TBC1D22A: variants seen among roughly 807,000 people sequenced by gnomAD.
The protein encoded by TBC1D22A is putative GTPase activator.
Under a neutral mutation model 60.2 loss-of-function variants are expected in TBC1D22A, and 38 were observed. That is an observed-to-expected ratio of 0.63 (90% CI 0.49 to 0.83). TBC1D22A has a LOEUF of 0.83. Ranked by LOEUF, TBC1D22A falls within the 40% of genes least tolerant of loss-of-function variation. The probability of loss-of-function intolerance (pLI) is 0.00; values close to 1 mark genes in which losing one functional copy is unlikely to be tolerated. For synonymous variants in TBC1D22A, 302 were observed against 281.7 expected, an observed-to-expected ratio of 1.07 and a Z score of -0.72; for missense variants, 628 against 701.0, an observed-to-expected ratio of 0.90 and a Z score of 1.18.
Position 46,793,764 on chromosome 22 carries a change from C to G in TBC1D22A, c.383C>G (p.Ala128Gly). 1 of 1,604,240 alleles carries G rather than the reference C, an allele frequency of 6.2e-7. No homozygotes were observed. The highest frequency in any genetic ancestry group is 8.5e-7 in the Non-Finnish European group (1 of 1,176,390). Reference protein sequence around the residue: ...PGLQQKPRPEAEPPSPPSGDL... With the variant: ...PGLQQKPRPEGEPPSPPSGDL... ...CTTCAGCAGAAGCCCAGGCCCGAGG[C>G]AGAGCCGCCCTCACCCCCCAGCGGC... Residue 128 changes from alanine (A) to glycine (G), a missense_variant, in exon 3 of 13, where the codon GCA becomes GGA. By Grantham distance (60) the Ala-to-Gly change is moderately conservative. Transcript: ENST00000337137.
chr22:47,143,912 T>TA (rs1489260731), intron 12 of TBC1D22A, among the ~76,000 whole-genome samples: 20 of 152,338 alleles, frequency 1.3e-4, no homozygotes, highest in African/African-American at 4.8e-4. Flanking sequence ...GGTGTGCACT[T>TA]ACGGCAGGCC....
intron 12 of TBC1D22A, among the ~76,000 whole-genome samples, chr22:47,165,675 C>T (rs1290589127): frequency 6.6e-6 from 1 of 152,166 alleles, no homozygotes; most frequent in East Asian, 1.9e-4. Context: ...CCTGTCCGCT[C>T]CTCAGGTTCC....
intron 4 of TBC1D22A, among the ~76,000 whole-genome samples, chr22:46,867,071 C>CAA (rs1056826912): frequency 1.3e-5 from 2 of 152,186 alleles, no homozygotes; most frequent in African/African-American, 2.4e-5. Context: ...AAATTCTCAA[C>CAA]AATAATAATG....
At chr22:46,912,212 A>T in intron 8 of TBC1D22A, 24 bp downstream of exon 8, 2 of 1,565,628 alleles carry the variant, frequency 1.3e-6, no homozygotes, top group Non-Finnish European at 1.8e-6. Context: ...CAAACATTAA[A>T]CGTGAACTTT....
At chr22:47,095,763 A>G (rs1335995247) in intron 11 of TBC1D22A, among the ~76,000 whole-genome samples, 1 of 152,182 alleles carries the variant, frequency 6.6e-6, no homozygotes, top group Non-Finnish European at 1.5e-5. Context: ...CTGCAGGGAG[A>G]CCCTTGAGAG....
At chr22:47,072,921 GGCC>G (rs1569419447) in intron 11 of TBC1D22A, among the ~76,000 whole-genome samples, 8 of 152,228 alleles carry the variant, frequency 5.3e-5, no homozygotes. Flanking sequence ...GAGGGTGACC[GGCC>G]CCACACTCCT....
chr22:46,885,278 CCTGAGCAGTGTGGGACCTCAGGTTAGGAG>C (rs1336884059), intron 5 of TBC1D22A, among the ~76,000 whole-genome samples: 1 of 152,234 alleles, frequency 6.6e-6, no homozygotes, highest in East Asian at 1.9e-4. Context: ...ACATGGCTCT[CCTGAGCAGTGTGGGACCTCAGGTTAGGAG>C]CTGGGGCTTG....
chr22:46,911,976 A>G, intron 7 of TBC1D22A, 98 bp from the exon 8 acceptor site: 1 of 765,924 alleles, frequency 1.3e-6, no homozygotes, highest in Non-Finnish European at 2.2e-6. Flanking sequence ...AGGAGCAATG[A>G]GAAAATACAG....
intron 11 of TBC1D22A, among the ~76,000 whole-genome samples, chr22:47,041,193 A>G (rs920873418): frequency 3.9e-5 from 6 of 152,224 alleles, no homozygotes; most frequent in African/African-American, 7.2e-5. Flanking sequence ...GTGATATCCA[A>G]GAGGCCACTT....
intron 12 of TBC1D22A, among the ~76,000 whole-genome samples, chr22:47,151,369 C>A (rs867775984): frequency 1.3e-5 from 2 of 152,200 alleles, no homozygotes; most frequent in African/African-American, 4.8e-5. Flanking sequence ...TCCTGCCCTC[C>A]CAGGCAGCAG....
intron 11 of TBC1D22A, among the ~76,000 whole-genome samples, chr22:47,098,863 A>C (rs1302861236): frequency 6.6e-6 from 1 of 152,216 alleles, no homozygotes; most frequent in Non-Finnish European, 1.5e-5. Flanking sequence ...CTGAGCTCCG[A>C]CTGGGACCTC....
At chr22:47,139,167 T>C (rs533253346) in intron 12 of TBC1D22A, among the ~76,000 whole-genome samples, 2 of 152,302 alleles carry the variant, frequency 1.3e-5, no homozygotes, top group South Asian at 4.1e-4. Flanking sequence ...GCTTTATTGC[T>C]TTGTTTATGT....
At chr22:46,778,039 A>G (rs1344988146) in intron 1 of TBC1D22A, among the ~76,000 whole-genome samples, 1 of 152,230 alleles carries the variant, frequency 6.6e-6, no homozygotes, top group Non-Finnish European at 1.5e-5. Flanking sequence ...GTATCTAAAC[A>G]TCTCTAAATA....
chr22:46,779,312 A>G (rs1302854117), intron 1 of TBC1D22A, among the ~76,000 whole-genome samples: 1 of 152,154 alleles, frequency 6.6e-6, no homozygotes, highest in African/African-American at 2.4e-5. Flanking sequence ...ATGGTCCTAT[A>G]TGTGGTCTGT....
intron 4 of TBC1D22A, among the ~76,000 whole-genome samples, chr22:46,869,757 A>T (rs1210854882): frequency 1.3e-5 from 2 of 152,234 alleles, no homozygotes; most frequent in African/African-American, 4.8e-5. Context: ...TCCAGATTTT[A>T]TTATTACAAA....
chr22:47,068,611 A>G (rs2063857845), intron 11 of TBC1D22A, among the ~76,000 whole-genome samples: 1 of 152,258 alleles, frequency 6.6e-6, no homozygotes, highest in Non-Finnish European at 1.5e-5. Context: ...CCCTGGGGCC[A>G]GAAACTCTAG....
rs1342695324 is a variant in TBC1D22A at position 46,763,469 on chromosome 22, A to G, written c.62+621A>G. 3 of 125,334 alleles carry G rather than the reference A, an allele frequency of 2.4e-5. No homozygotes were observed. In the East Asian group the frequency reaches 7.0e-4, roughly 29 times the overall value. The allele number at this position is 125,334 out of a possible 1,614,324, so 7.8% of individuals were successfully genotyped here. ...CCTGGGTACACCCTAGATGCTATACAGCTCCAGAGCTCCAGAGTCCTTGTC... is the reference window on the plus strand; with the variant it reads ...CCTGGGTACACCCTAGATGCTATACGGCTCCAGAGCTCCAGAGTCCTTGTC... On this transcript the variant is annotated intron_variant, in intron 1 of 12. Coordinates refer to ENST00000337137, the MANE Select transcript of TBC1D22A (RefSeq NM_014346.5).
Position 46,793,620 on chromosome 22 carries a change from A to C in TBC1D22A, c.239A>C (p.Glu80Ala). The C allele has an allele frequency of 6.2e-7, 1 of 1,613,822 alleles. No individual in the cohort carries two copies. Among genetic ancestry groups the C allele is most frequent in the South Asian group, 1.1e-5 (1 of 91,078 alleles). Residue 80 changes from glutamate to alanine, a missense_variant, in exon 3 of 13, where the codon GAG (glutamate) becomes GCG (alanine). Physicochemically the swap from Glu to Ala is moderately radical, Grantham distance 107. Coordinates refer to ENST00000337137, the MANE Select transcript of TBC1D22A (RefSeq NM_014346.5). ...TGGGACGCTGGGGAGGACGACGATG[A>C]GCTCCTGGCCATGGCGGCGGAGAGC... The part of the protein sequence containing the change: ...DAWDAGEDDD[E>A]LLAMAAESLN...
At chr22:47,056,975 A>G (rs992115679) in intron 11 of TBC1D22A, among the ~76,000 whole-genome samples, 1 of 152,138 alleles carries the variant, frequency 6.6e-6, no homozygotes, top group Non-Finnish European at 1.5e-5. Context: ...CGCCTCCTAC[A>G]CTGCCTTTCC....
Sources: allele counts gnomAD v4.1 joint callset (sites outside exome capture counted in the v4.1 genomes callset), GRCh38; gene constraint gnomAD v4.1.1; transcripts MANE v1.5; gene names NCBI Gene and HGNC (gene_info 2026-07-23, HGNC 2026-07-21).